The following RBBP8 variants were observed in gnomAD, a reference collection of about 807,000 sequenced individuals.
RBBP8 encodes the protein DNA endonuclease RBBP8.
A neutral mutation model predicts 108.3 loss-of-function variants in RBBP8; 88 were observed. The observed-to-expected ratio is 0.81, with a 90% CI of 0.68 to 0.97. The LOEUF is 0.97. Among genes scored for constraint, RBBP8 ranks in the 50% least tolerant of loss-of-function variants. RBBP8 has a pLI of 0.00. For synonymous variants in RBBP8, 332 were observed against 348.2 expected (o/e 0.95, Z 0.52); for missense variants, 1,023 against 1,049.0 (o/e 0.98, Z 0.34).
chr18:22,953,433 A>G (rs534908769), intron 4 of RBBP8, among the ~76,000 whole-genome samples: 11 of 152,288 alleles, frequency 7.2e-5, no homozygotes, highest in African/African-American at 2.6e-4. Flanking sequence ...TTACACTCAA[A>G]TTTACTGGAT....
intron 6 of RBBP8, among the ~76,000 whole-genome samples, chr18:22,975,551 G>A (rs1914439785): frequency 6.6e-6 from 1 of 152,004 alleles, no homozygotes; most frequent in South Asian, 2.1e-4. Flanking sequence ...AGCTTCATAA[G>A]GGCAAACTGA....
chr18:23,010,252 C>T (rs1035641246), intron 16 of RBBP8, among the ~76,000 whole-genome samples: 1 of 152,098 alleles, frequency 6.6e-6, no homozygotes, highest in Admixed American at 6.6e-5. Context: ...TGCACATTCT[C>T]TTTTCATATT....
rs1467773744 is a variant in RBBP8 at position 22,982,360 on chromosome 18, C to T, written c.571C>T (p.His191Tyr). 6.2e-7 allele frequency: 1 copy of T among 1,614,142 alleles called. No individual in the cohort carries two copies. The change falls in exon 7 of 19, where the codon CAT becomes TAT. Residue 191 changes from histidine (H) to tyrosine (Y), a missense_variant. Transcript: ENST00000327155. ...CCATGTCCGATACATAGAACAAACA[C>T]ATACTAAATTGGAGCACTCTGTGTG... is the stretch of plus-strand genomic sequence containing the variant. ...NPHVRYIEQTHTKLEHSVCAN... is the reference protein window; with the variant it reads ...NPHVRYIEQTYTKLEHSVCAN...
At chr18:23,008,769 A>AT (rs71161355) in intron 16 of RBBP8, among the ~76,000 whole-genome samples, 72,611 of 100,124 alleles carry the variant, frequency 0.73, 27,606 homozygotes, top group Middle Eastern at 0.86. Flanking sequence ...TATGACTTTG[A>AT]TTTTTTTTTT....
intron 4 of RBBP8, among the ~76,000 whole-genome samples, chr18:22,959,554 G>A (rs994249812): frequency 2.0e-5 from 3 of 151,960 alleles, no homozygotes; most frequent in Non-Finnish European, 4.4e-5. Flanking sequence ...TTCTTAGTCA[G>A]AGACTGATTT....
In RBBP8 at chr18:22,940,161, T is replaced by A. The variant is rs541564324; in HGVS notation, c.109+3201T>A. On this transcript the variant is annotated intron_variant, in intron 2 of 18. Transcript: ENST00000327155. Reference sequence around the variant, plus strand: ...ATCTTGCCTTGACTTTAGGACAGATTTCTCTATTTCTGCAAAAAATGTTGG... The same window carrying A: ...ATCTTGCCTTGACTTTAGGACAGATATCTCTATTTCTGCAAAAAATGTTGG... Among the ~76,000 whole-genome samples the A allele has an allele frequency of 9.2e-5, 14 of 152,072 alleles. No homozygotes were observed. In the South Asian group the frequency reaches 2.7e-3, roughly 29 times the overall value.
intron 2 of RBBP8, 105 bp from the exon 3 acceptor site, chr18:22,946,339 A>C: frequency 6.7e-7 from 1 of 1,491,720 alleles, no homozygotes; most frequent in Non-Finnish European, 9.1e-7. Flanking sequence ...AACTAATGAG[A>C]CCTGGTTTAT....
At chr18:22,957,294 T>TC (rs1199336035) in intron 4 of RBBP8, among the ~76,000 whole-genome samples, 5 of 145,874 alleles carry the variant, frequency 3.4e-5, no homozygotes, top group Non-Finnish European at 7.5e-5. Context: ...ACTTTTTCTT[T>TC]TTTTTTTTTT....
chr18:22,996,514 G>C, intron 13 of RBBP8, 52 bp downstream of exon 13: 1 of 1,598,674 alleles, frequency 6.3e-7, no homozygotes. Context: ...CCAATGAGTT[G>C]TTAGTCAACC....
chr18:22,973,223 C>G (rs1340483612), intron 5 of RBBP8, among the ~76,000 whole-genome samples: 1 of 152,092 alleles, frequency 6.6e-6, no homozygotes, highest in Non-Finnish European at 1.5e-5. Context: ...TTTTTAAAGG[C>G]CCTTTTTCAT....
intron 15 of RBBP8, among the ~76,000 whole-genome samples, chr18:23,005,472 G>A (rs2144763043): frequency 6.6e-6 from 1 of 151,958 alleles, no homozygotes; most frequent in African/African-American, 2.4e-5. Flanking sequence ...GAGTGCAGTG[G>A]CACAATCTCA....
Position 22,955,365 on chromosome 18 carries a change from A to G in RBBP8, c.248+5652A>G, listed in dbSNP as rs116277754. On this transcript the variant is annotated intron_variant, in intron 4 of 18. Coordinates refer to ENST00000327155, the MANE Select transcript of RBBP8 (RefSeq NM_002894.3). Reference sequence around the variant, plus strand: ...TTAAAGATTTATCTCTTGTTTCATGAAGCTCCATTTAATTAAGCTGAAGAT... The same window carrying G: ...TTAAAGATTTATCTCTTGTTTCATGGAGCTCCATTTAATTAAGCTGAAGAT... 5.5e-3 allele frequency among the ~76,000 whole-genome samples: 835 copies of G among 152,270 alleles called. 6 individuals carry two copies. The highest frequency in any genetic ancestry group is 0.02 in the African/African-American group (811 of 41,556).
chr18:22,980,965 C>CTTTTTG (rs1914881182), intron 6 of RBBP8, among the ~76,000 whole-genome samples: 1 of 69,490 alleles, frequency 1.4e-5, no homozygotes, highest in Non-Finnish European at 2.6e-5. Context: ...CCACTTATGT[C>CTTTTTG]TTTTTTTTTT....
chr18:22,964,183 GTC>G (rs1913359895), intron 4 of RBBP8, among the ~76,000 whole-genome samples: 1 of 152,046 alleles, frequency 6.6e-6, no homozygotes, highest in Non-Finnish European at 1.5e-5. Context: ...GACCAGGCTT[GTC>G]TAGAACTCCT....
chr18:23,010,758 T>TTCTCAGAG lies in RBBP8; in HGVS notation c.2357+4328_2357+4335dup, dbSNP rs1417985016. Among the ~76,000 whole-genome samples, 7 of 144,790 alleles carry TTCTCAGAG rather than the reference T, an allele frequency of 4.8e-5. No homozygotes were observed. In the South Asian group the frequency reaches 1.5e-3, roughly 32 times the overall value. 95.0% of individuals were successfully genotyped at this position (144,790 alleles called of 152,430 possible). ...GGATGGAGGCATGGAGATGCTAGAA[T>TTCTCAGAG]TCTCAGAGTTACATTGTTGCTTTTT... On this transcript the variant is annotated intron_variant, in intron 16 of 18. Coordinates refer to ENST00000327155, the MANE Select transcript of RBBP8 (RefSeq NM_002894.3).
chr18:22,985,428 A>C (rs1441474281), intron 8 of RBBP8, among the ~76,000 whole-genome samples: 1 of 152,184 alleles, frequency 6.6e-6, no homozygotes, highest in Non-Finnish European at 1.5e-5. Flanking sequence ...TGATGTTTGC[A>C]TAGGGACTGA....
intron 4 of RBBP8, among the ~76,000 whole-genome samples, chr18:22,954,627 G>T (rs1182134667): frequency 6.6e-6 from 1 of 152,138 alleles, no homozygotes; most frequent in Non-Finnish European, 1.5e-5. Context: ...GGTGGATCTG[G>T]GTGTTTCTGG....
intron 15 of RBBP8, among the ~76,000 whole-genome samples, chr18:23,005,280 T>C (rs1193001499): frequency 1.3e-5 from 2 of 152,226 alleles, no homozygotes; most frequent in Non-Finnish European, 2.9e-5. Flanking sequence ...AAAGCACAGA[T>C]TTTGAATGTT....
intron 3 of RBBP8, among the ~76,000 whole-genome samples, chr18:22,925,566 C>A (rs1160480247): frequency 3.3e-5 from 5 of 152,052 alleles, no homozygotes; most frequent in Non-Finnish European, 7.4e-5. Flanking sequence ...CATTAAAGAT[C>A]ACAACTATTT....
Sources: gnomAD v4.1 joint callset for allele counts (sites outside exome capture counted in the v4.1 genomes callset) on GRCh38, gnomAD v4.1.1 for gene constraint, MANE v1.5 for transcripts, NCBI Gene and HGNC (gene_info 2026-07-23, HGNC 2026-07-21) for gene names.